The following TARDBP variants were observed in gnomAD, a reference collection of about 807,000 sequenced individuals.
TARDBP encodes TAR DNA binding protein.
A neutral mutation model predicts 38.3 loss-of-function variants in TARDBP; 4 were observed. The observed-to-expected ratio is 0.10, with a 90% CI of 0.05 to 0.24. The LOEUF (loss-of-function observed/expected upper bound fraction) is 0.24. Ranked by LOEUF, TARDBP falls within the 10% of genes least tolerant of loss-of-function variation. TARDBP has a pLI of 1.00. For missense variants in TARDBP, 202 were observed against 521.9 expected, an observed-to-expected ratio of 0.39 and a Z score of 5.97; for synonymous variants, 184 against 183.8, an observed-to-expected ratio of 1.00 and a Z score of -0.01.
chr1:11,014,841 G>C (rs765559168), intron 2 of TARDBP, among the ~76,000 whole-genome samples: 1 of 152,170 alleles, frequency 6.6e-6, no homozygotes, highest in African/African-American at 2.4e-5. Context: ...GGAGGCAGAC[G>C]CAGGAGAATC....
chr1:11,018,984 T>C (rs1272156648), intron 4 of TARDBP, 111 bp downstream of exon 4: 1 of 1,502,540 alleles, frequency 6.7e-7, no homozygotes, highest in Non-Finnish European at 9.2e-7. Flanking sequence ...GTTCATGAAA[T>C]CCTTTTGTCT....
At position 11,018,254 on chromosome 1, in the gene TARDBP, T is replaced by C. The variant is rs977738761; in HGVS notation, c.403-479T>C. On this transcript the variant is annotated intron_variant, in intron 3 of 5. Transcript: ENST00000240185. ...CAGGCTCTAGAGTGCAGTGGTGCAA[T>C]GTAGGCTCGCTGCAACCTCCACCTC... is the stretch of plus-strand genomic sequence containing the variant. 4.8e-4 allele frequency: 104 copies of C among 216,194 alleles called. 1 individual carries two copies. The highest frequency in any genetic ancestry group is 2.3e-3 in the African/African-American group (97 of 42,826). The allele number at this position is 216,194 out of a possible 1,614,324, so 13.4% of individuals were successfully genotyped here.
At chr1:11,030,363 G>GC, downstream of TARDBP, 1 of 715,286 alleles carries the variant, frequency 1.4e-6, no homozygotes, top group South Asian at 1.7e-5. Flanking sequence ...GGACATAGAG[G>GC]TGTCTGAAGA....
rs779622218 is a variant in TARDBP, at chr1:11,022,696, C to T, written c.*42C>T. 6.3e-7 allele frequency: 1 copy of T among 1,585,202 alleles called. No individual in the cohort carries two copies. Among genetic ancestry groups the T allele is most frequent in the Non-Finnish European group, 8.6e-7 (1 of 1,167,914 alleles). On this transcript the variant is annotated 3_prime_UTR_variant, in exon 6 of 6. Coordinates refer to ENST00000240185, the MANE Select transcript of TARDBP (RefSeq NM_007375.4). The surrounding 1 kb of genome is among the most constrained non-coding windows in gnomAD (Gnocchi z 4.5). ...TGGTTGGTATAGAATGGTGGGAATT[C>T]AAATTTTTCTAAACTCATGGTAAGT...
rs1252910746 is a variant in TARDBP, at chr1:11,022,484, A to T, written c.1075A>T (p.Met359Leu). The T allele has an allele frequency of 6.2e-7, 1 of 1,606,290 alleles. No homozygotes were observed. The highest frequency in any genetic ancestry group is 1.3e-5 in the African/African-American group (1 of 74,762). The change falls in exon 6 of 6, where the codon ATG (methionine) becomes TTG (leucine). Residue 359 changes from methionine to leucine, a missense_variant. Physicochemically the swap from Met to Leu is conservative, Grantham distance 15. Coordinates refer to ENST00000240185, the MANE Select transcript of TARDBP (RefSeq NM_007375.4). This position sits in a 1 kb window ranked among gnomAD's most constrained non-coding sequence, Gnocchi z 4.5. The stretch of plus-strand genomic sequence containing the variant: ...GGGTAATAACCAAAACCAAGGCAAC[A>T]TGCAGAGGGAGCCAAACCAGGCCTT... ...PSGNNQNQGN[M>L]QREPNQAFGS...
In TARDBP at chr1:11,013,778, A is replaced by C; in HGVS notation, c.51A>C (p.Glu17Asp). 6.2e-7 allele frequency: 1 copy of C among 1,613,712 alleles called. No individual in the cohort carries two copies. Among genetic ancestry groups the C allele is most frequent in the Non-Finnish European group, 8.5e-7 (1 of 1,179,724 alleles). ...VTEDENDEPIEIPSEDDGTVL... is the reference protein window; with the variant it reads ...VTEDENDEPIDIPSEDDGTVL... ...AAGATGAGAACGATGAGCCCATTGAAATACCATCGGAAGACGATGGGACGG... is the reference window on the plus strand; with the variant it reads ...AAGATGAGAACGATGAGCCCATTGACATACCATCGGAAGACGATGGGACGG... Residue 17 changes from glutamate (E) to aspartate (D), a missense_variant, in exon 2 of 6, where the codon GAA becomes GAC. Glu to Asp is a conservative substitution (Grantham distance 45). This residue lies in a region of TARDBP where 12 missense variants were observed against 26.3 expected (regional missense o/e 0.46). Transcript: ENST00000240185.
At chr1:11,013,551 C>T (rs1028732550) in intron 1 of TARDBP, among the ~76,000 whole-genome samples, 165 bp from the exon 2 acceptor site, 3 of 152,190 alleles carry the variant, frequency 2.0e-5, no homozygotes, top group Non-Finnish European at 4.4e-5. Flanking sequence ...GAAATCACTA[C>T]CCTTACCTTC....
chr1:11,015,226 C>G (rs1408907764), intron 2 of TARDBP, among the ~76,000 whole-genome samples: 2 of 152,036 alleles, frequency 1.3e-5, no homozygotes, highest in African/African-American at 4.8e-5. Context: ...TGGCTCACAC[C>G]TGTAATCCCA....
In TARDBP at chr1:11,018,745, C is replaced by G. The variant is rs776384568; in HGVS notation, c.415C>G (p.Leu139Val). The G allele has an allele frequency of 6.2e-7, 1 of 1,614,042 alleles. No homozygotes were observed. The highest frequency in any genetic ancestry group is 1.3e-5 in the African/African-American group (1 of 74,918). Residue 139 changes from leucine (L) to valine (V), a missense_variant, in exon 4 of 6, where the codon CTT becomes GTT. Physicochemically the swap from Leu to Val is conservative, Grantham distance 32. This residue lies in a region of TARDBP where 71 missense variants were observed against 185.4 expected (regional missense o/e 0.38). Transcript: ENST00000240185. ...EVLMVQVKKD[L>V]KTGHSKGFGF... ...TCATCCTTTCTAGGTCAAGAAAGAT[C>G]TTAAGACTGGTCATTCAAAGGGGTT...
downstream of TARDBP, among the ~76,000 whole-genome samples, chr1:11,029,222 G>A (rs1228327640): frequency 2.0e-5 from 3 of 150,886 alleles, no homozygotes; most frequent in Non-Finnish European, 2.9e-5. Flanking sequence ...AGATGGTCTC[G>A]ATCTCCTGAC....
Position 11,023,150 on chromosome 1 carries a change from A to C in TARDBP, c.*496A>C. 6.5e-7 allele frequency: 1 copy of C among 1,547,230 alleles called. No individual in the cohort carries two copies. The highest frequency in any genetic ancestry group is 1.2e-5 in the South Asian group (1 of 83,758). On this transcript the variant is annotated 3_prime_UTR_variant, in exon 6 of 6. Transcript: ENST00000240185. ...TGTTTTTTAACACTTGTCTCCCCTCATACACAAAAGTACAATATGAAGCCT... is the reference window on the plus strand; with the variant it reads ...TGTTTTTTAACACTTGTCTCCCCTCCTACACAAAAGTACAATATGAAGCCT...
At chr1:11,029,454 T>TA (rs749524864), downstream of TARDBP, among the ~76,000 whole-genome samples, 349 of 147,390 alleles carry the variant, frequency 2.4e-3, 1 homozygote, top group Middle Eastern at 6.9e-3. Context: ...CAATTCTGGT[T>TA]AAAAAAAAAA....
intron 2 of TARDBP, among the ~76,000 whole-genome samples, chr1:11,015,120 T>G (rs972545612): frequency 1.3e-5 from 2 of 151,128 alleles, no homozygotes; most frequent in Non-Finnish European, 2.9e-5. Flanking sequence ...AAAAAAAAAT[T>G]GATAATGTAA....
At chr1:11,029,153 A>T (rs1570735177), downstream of TARDBP, among the ~76,000 whole-genome samples, 5 of 115,836 alleles carry the variant, frequency 4.3e-5, no homozygotes, top group South Asian at 1.1e-3. Flanking sequence ...CCACCACACC[A>T]GGCTAATTTT....
chr1:11,030,471 G>T (rs1042833014), downstream of TARDBP: 3 of 580,718 alleles, frequency 5.2e-6, no homozygotes, highest in East Asian at 2.9e-5. Flanking sequence ...TATGTATCAA[G>T]ATCTCAAGTG....
At chr1:11,028,564 G>GCATA (rs1405391849), downstream of TARDBP, among the ~76,000 whole-genome samples, 1 of 151,994 alleles carries the variant, frequency 6.6e-6, no homozygotes, top group Admixed American at 6.6e-5. Context: ...CATTAATGTA[G>GCATA]CATATATGTT....
chr1:11,016,874 C>T lies in TARDBP; in HGVS notation c.269C>T (p.Ala90Val), dbSNP rs80356715. The T allele has an allele frequency of 4.2e-4, 671 of 1,614,166 alleles. 1 individual carries two copies. Among genetic ancestry groups the T allele is most frequent in the Non-Finnish European group, 5.4e-4 (640 of 1,180,042 alleles). Residue 90 changes from alanine to valine, a missense_variant, in exon 3 of 6, where the codon GCT becomes GTT. By Grantham distance (64) the Ala-to-Val change is moderately conservative (BLOSUM62 0). This residue lies in a region of TARDBP where 71 missense variants were observed against 185.4 expected (regional missense o/e 0.38). Coordinates refer to ENST00000240185, the MANE Select transcript of TARDBP (RefSeq NM_007375.4). ...DNKRKMDETDASSAVKVKRAV... is the reference protein window; with the variant it reads ...DNKRKMDETDVSSAVKVKRAV... ...AAAAGAAAAATGGATGAGACAGATG[C>T]TTCATCAGCAGTGAAAGTGAAAAGA...
At chr1:11,026,794 A>G, downstream of TARDBP, 1 of 1,116,040 alleles carries the variant, frequency 9.0e-7, no homozygotes, top group Non-Finnish European at 1.2e-6. Context: ...CCATGTCCAC[A>G]GTAATGATGA....
chr1:11,020,423 G>C lies in TARDBP; in HGVS notation c.544-6G>C, dbSNP rs2100852266. 6.2e-7 allele frequency: 1 copy of C among 1,613,278 alleles called. No individual in the cohort carries two copies. Among genetic ancestry groups the C allele is most frequent in the Non-Finnish European group, 8.5e-7 (1 of 1,179,842 alleles). On this transcript the variant is annotated splice_region_variant and splice_polypyrimidine_tract_variant and intron_variant, in intron 4 of 5. Coordinates refer to ENST00000240185, the MANE Select transcript of TARDBP (RefSeq NM_007375.4). The stretch of plus-strand genomic sequence containing the variant: ...TGAGTTTTTTTCTTCCTTTTGATTT[G>C]ATCAGCAAAGCCAAGATGAGCCTTT...
Sources: gnomAD v4.1 joint callset for allele counts (sites outside exome capture counted in the v4.1 genomes callset) on GRCh38, gnomAD v4.1.1 for gene constraint, gnomAD v4.1.1 regional missense constraint, Gnocchi (gnomAD v3.1) non-coding constraint, MANE v1.5 for transcripts, NCBI Gene and HGNC (gene_info 2026-07-23, HGNC 2026-07-21) for gene names.